The following SNX29 variants were observed in gnomAD, a reference collection of about 807,000 sequenced individuals.
SNX29 encodes sorting nexin 29, also known as sorting nexin-29.
A neutral mutation model predicts 102.1 loss-of-function variants in SNX29; 78 were observed. The ratio of observed to expected loss-of-function variants is 0.76; its 90% CI spans 0.64 to 0.92. The LOEUF (loss-of-function observed/expected upper bound fraction) is 0.92. Among genes scored for constraint, SNX29 ranks in the 40% least tolerant of loss-of-function variants. SNX29 has a pLI of 0.00. For synonymous variants in SNX29, 580 were observed against 414.5 expected (o/e 1.40, Z -4.85); for missense variants, 1,280 against 1,061.7 (o/e 1.21, Z -2.86).
chr16:12,430,231 C>G (rs951202446), intron 18 of SNX29, among the ~76,000 whole-genome samples: 1 of 152,340 alleles, frequency 6.6e-6, no homozygotes, highest in Non-Finnish European at 1.5e-5. Context: ...GAAAAATTGT[C>G]TTCCACGAAA....
At chr16:12,568,253 T>G (rs1380890580) in intron 20 of SNX29, among the ~76,000 whole-genome samples, 2 of 149,462 alleles carry the variant, frequency 1.3e-5, no homozygotes, top group Admixed American at 1.3e-4. Context: ...GGTGGTACCA[T>G]GAGCTAGCTC....
chr16:12,385,683 G>A (rs532845896), intron 16 of SNX29, among the ~76,000 whole-genome samples: 24 of 152,338 alleles, frequency 1.6e-4, no homozygotes, highest in South Asian at 1.0e-3. Context: ...AAGGAAAAGC[G>A]TGTGTGCTCT....
rs141748694 is a variant in SNX29, at chr16:12,562,138, C to T, written c.2319-6368C>T. On this transcript the variant is annotated intron_variant, in intron 20 of 20. Coordinates refer to ENST00000566228, the MANE Select transcript of SNX29 (RefSeq NM_032167.5). Reference sequence around the variant, plus strand: ...TCTCCTGTGTGACCCCAAAATGGCTCTGGCAATACCAGGTCTGTGGAGTAA... The same window carrying T: ...TCTCCTGTGTGACCCCAAAATGGCTTTGGCAATACCAGGTCTGTGGAGTAA... Among the ~76,000 whole-genome samples, 543 of 152,252 alleles carry T rather than the reference C, an allele frequency of 3.6e-3. 2 individuals are homozygous for T. Among genetic ancestry groups the T allele is most frequent in the African/African-American group, 0.012 (512 of 41,542 alleles).
chr16:12,501,538 G>A (rs1239515325), intron 19 of SNX29, among the ~76,000 whole-genome samples: 1 of 151,940 alleles, frequency 6.6e-6, no homozygotes, highest in Non-Finnish European at 1.5e-5. Context: ...CCTGGCCAAC[G>A]TGAGGAAACG....
intron 14 of SNX29, among the ~76,000 whole-genome samples, chr16:12,261,565 T>C (rs9940888): frequency 0.56 from 59,340 of 105,168 alleles, 16,715 homozygotes; most frequent in Non-Finnish European, 0.6. Flanking sequence ...GCTCTGAGCT[T>C]CGGTCTGTGT....
intron 18 of SNX29, among the ~76,000 whole-genome samples, chr16:12,450,609 G>A (rs914058732): frequency 2.0e-5 from 3 of 152,200 alleles, no homozygotes; most frequent in Non-Finnish European, 4.4e-5. Flanking sequence ...GGAAGACGGA[G>A]GCTTCCCGGA....
rs564516373 is a variant in SNX29, at chr16:12,571,865, A to G, written c.*3236A>G. The G allele has an allele frequency of 1.6e-5, 17 of 1,061,580 alleles. No homozygotes were observed. The Admixed American group carries it at 4.3e-4, about 27-fold the overall frequency. 65.8% of individuals were successfully genotyped at this position (1,061,580 alleles called of 1,614,324 possible). ...GCTCCAATCACGTTGCTGGCAAGGC[A>G]TTTTAGAGTTTGGAGCTGAGGTTCA... is the stretch of plus-strand genomic sequence containing the variant. On this transcript the variant is annotated 3_prime_UTR_variant, in exon 21 of 21. Coordinates refer to ENST00000566228, the MANE Select transcript of SNX29 (RefSeq NM_032167.5).
chr16:12,201,852 C>G (rs1292864541), intron 14 of SNX29, among the ~76,000 whole-genome samples: 2 of 152,166 alleles, frequency 1.3e-5, no homozygotes, highest in African/African-American at 4.8e-5. Context: ...GATTTGAAAA[C>G]CTCAGCGCTA....
chr16:12,311,844 A>G (rs1012277596), intron 15 of SNX29, among the ~76,000 whole-genome samples: 16 of 152,220 alleles, frequency 1.1e-4, no homozygotes, highest in Non-Finnish European at 2.2e-4. Flanking sequence ...TGTTGGTTTA[A>G]CTTAACATAG....
At chr16:12,077,386 GGTGT>G (rs60621681) in intron 10 of SNX29, among the ~76,000 whole-genome samples, 23,240 of 142,712 alleles carry the variant, frequency 0.16, 2,001 homozygotes, top group South Asian at 0.29. Flanking sequence ...TCCTAGTCAT[GGTGT>G]GTGTGTGTGT....
intron 20 of SNX29, among the ~76,000 whole-genome samples, chr16:12,563,038 G>A (rs2078818869): frequency 6.6e-6 from 1 of 152,054 alleles, no homozygotes; most frequent in South Asian, 2.1e-4. Flanking sequence ...CATTGCAAGG[G>A]CCAAGGTCAC....
intron 13 of SNX29, among the ~76,000 whole-genome samples, chr16:12,172,313 G>T (rs375704838): frequency 2.3e-4 from 35 of 152,312 alleles, no homozygotes; most frequent in African/African-American, 7.9e-4. Context: ...GGAAAAGGTG[G>T]AGACAGGCCA....
At chr16:12,214,018 CA>C (rs1567318987) in intron 14 of SNX29, among the ~76,000 whole-genome samples, 1 of 152,148 alleles carries the variant, frequency 6.6e-6, no homozygotes, top group Non-Finnish European at 1.5e-5. Flanking sequence ...AAAACGTCAT[CA>C]AATGTTGGGT....
Position 12,571,908 on chromosome 16 carries a change from C to T in SNX29, c.*3279C>T, listed in dbSNP as rs2079195891. The T allele has an allele frequency of 1.9e-6, 2 of 1,062,076 alleles. No individual in the cohort carries two copies. The highest frequency in any genetic ancestry group is 5.1e-5 in the East Asian group (1 of 19,720). The allele number at this position is 1,062,076 out of a possible 1,614,324, so 65.8% of individuals were successfully genotyped here. ...GAGGTTCAAAGCCCCCTGCATTTCT[C>T]TACTGGCAGGCCCTGGTGAAGGAAG... is the stretch of plus-strand genomic sequence containing the variant. On this transcript the variant is annotated 3_prime_UTR_variant, in exon 21 of 21. Transcript: ENST00000566228.
intron 15 of SNX29, among the ~76,000 whole-genome samples, chr16:12,348,258 A>G (rs2081880681): frequency 6.6e-6 from 1 of 151,922 alleles, no homozygotes; most frequent in African/African-American, 2.4e-5. Flanking sequence ...TCATGCTGGG[A>G]TTTTCGTTTG....
At chr16:12,191,449 C>T (rs182295003) in intron 13 of SNX29, among the ~76,000 whole-genome samples, 10 of 152,254 alleles carry the variant, frequency 6.6e-5, no homozygotes, top group South Asian at 2.1e-4. Flanking sequence ...AGCCTGCAGC[C>T]GTCTAAAAAG....
intron 15 of SNX29, among the ~76,000 whole-genome samples, chr16:12,352,986 C>T (rs1005293606): frequency 4.1e-5 from 6 of 146,462 alleles, no homozygotes; most frequent in Admixed American, 6.6e-5. Flanking sequence ...GGGATATAGG[C>T]GTTGGATATG....
At chr16:12,353,877 G>A (rs990288548) in intron 15 of SNX29, among the ~76,000 whole-genome samples, 1 of 152,224 alleles carries the variant, frequency 6.6e-6, no homozygotes, top group African/African-American at 2.4e-5. Flanking sequence ...GTTACTTTGG[G>A]AAGATCATTG....
chr16:12,462,877 A>G (rs1017439142), intron 18 of SNX29, among the ~76,000 whole-genome samples: 9 of 152,206 alleles, frequency 5.9e-5, no homozygotes, highest in African/African-American at 1.4e-4. Flanking sequence ...GCATGACTCA[A>G]ATATCCAGAC....
Sources: gnomAD v4.1 joint callset for allele counts (sites outside exome capture counted in the v4.1 genomes callset) on GRCh38, gnomAD v4.1.1 for gene constraint, MANE v1.5 for transcripts, NCBI Gene and HGNC (gene_info 2026-07-23, HGNC 2026-07-21) for gene names.